Variants in MRPS5 observed in about 807,000 individuals in gnomAD.
MRPS5 encodes the protein mitochondrial ribosomal protein S5.
Under a neutral mutation model 51.9 loss-of-function variants are expected in MRPS5, and 27 were observed. The observed-to-expected ratio is 0.52, with a 90% CI of 0.38 to 0.72. The LOEUF is 0.72. Among genes scored for constraint, MRPS5 ranks in the 30% least tolerant of loss-of-function variants. MRPS5 has a pLI of 0.00. For synonymous variants in MRPS5, 196 were observed against 193.2 expected (o/e 1.01, Z -0.12); for missense variants, 570 against 545.7 (o/e 1.04, Z -0.44).
intron 7 of MRPS5, among the ~76,000 whole-genome samples, chr2:95,103,114 A>G (rs1444508804): frequency 6.6e-6 from 1 of 152,248 alleles, no homozygotes; most frequent in Non-Finnish European, 1.5e-5. Context: ...GTGATAACTA[A>G]TATTTATAAC....
At chr2:95,090,921 A>C (rs553635809) in intron 10 of MRPS5, 32 of 167,044 alleles carry the variant, frequency 1.9e-4, no homozygotes, top group African/African-American at 7.6e-4. Flanking sequence ...CCTCCTGAAG[A>C]AGCTCCTCTT....
At chr2:95,121,669 GC>G in intron 1 of MRPS5, 64 bp downstream of exon 1, 1 of 1,487,556 alleles carries the variant, frequency 6.7e-7, no homozygotes, top group African/African-American at 1.4e-5. Flanking sequence ...ACTTCTGCAG[GC>G]CCCAGGCGAG....
intron 4 of MRPS5, among the ~76,000 whole-genome samples, chr2:95,109,647 T>G (rs1157603158): frequency 1.3e-5 from 2 of 152,236 alleles, no homozygotes; most frequent in Non-Finnish European, 2.9e-5. Flanking sequence ...ATTTTATCAC[T>G]AATTATAACC....
intron 4 of MRPS5, among the ~76,000 whole-genome samples, chr2:95,108,870 A>AT (rs1558684078): frequency 1.3e-5 from 2 of 151,972 alleles, no homozygotes; most frequent in South Asian, 4.1e-4. Context: ...TATAATCTAA[A>AT]TTTTTTTTAA....
At position 95,121,792 on chromosome 2, in the gene MRPS5, G is replaced by T; in HGVS notation, c.-1C>A. 2 of 1,545,496 alleles carry T rather than the reference G, an allele frequency of 1.3e-6. No homozygotes were observed. The highest frequency in any genetic ancestry group is 1.7e-6 in the Non-Finnish European group (2 of 1,154,596). On this transcript the variant is annotated 5_prime_UTR_variant, in exon 1 of 12. Transcript: ENST00000272418. ...CCACAGCGCGCACCGCGGTCGCCAT[G>T]CTGGAGTCCGAGCCGCGCCTCGGCC...
chr2:95,088,246 G>T (rs1211373135), intron 11 of MRPS5, among the ~76,000 whole-genome samples: 1 of 151,822 alleles, frequency 6.6e-6, no homozygotes, highest in Non-Finnish European at 1.5e-5. Context: ...AGTATTACAG[G>T]GTATTTTTTA....
rs747961316 is a variant in MRPS5 at position 95,117,855 on chromosome 2, T to C, written c.139+10A>G. ...TTATGAGAAAAGGTAGTAGCATTAA[T>C]GAATCTCACCATTGCCGAGAACACT... On this transcript the variant is annotated intron_variant, in intron 2 of 11. Coordinates refer to ENST00000272418, the MANE Select transcript of MRPS5 (RefSeq NM_031902.5). 7 of 1,594,116 alleles carry C rather than the reference T, an allele frequency of 4.4e-6. No individual in the cohort carries two copies. The highest frequency in any genetic ancestry group is 1.2e-5 in the South Asian group (1 of 86,278).
At chr2:95,101,779 T>C in intron 7 of MRPS5, 56 bp from the exon 8 acceptor site, 2 of 1,264,226 alleles carry the variant, frequency 1.6e-6, no homozygotes, top group Non-Finnish European at 2.2e-6. Context: ...CCATGTGGTT[T>C]TTGCCACATT....
intron 9 of MRPS5, 134 bp downstream of exon 9, chr2:95,100,703 G>T (rs558908174): frequency 1.1e-6 from 1 of 892,944 alleles, no homozygotes; most frequent in East Asian, 2.6e-5. Flanking sequence ...TAGGAGATTT[G>T]TTTTCACACT....
At chr2:95,117,804 T>C in intron 2 of MRPS5, 61 bp downstream of exon 2, 1 of 1,379,288 alleles carries the variant, frequency 7.3e-7, no homozygotes, top group Non-Finnish European at 1.0e-6. Context: ...TTTTTAAAAC[T>C]ACAGAAACTA....
At chr2:95,121,059 A>G (rs1260799627) in intron 1 of MRPS5, among the ~76,000 whole-genome samples, 3 of 152,180 alleles carry the variant, frequency 2.0e-5, no homozygotes, top group Non-Finnish European at 4.4e-5. Flanking sequence ...CGGAGGTTGC[A>G]GTGAGCCGAG....
In MRPS5 at chr2:95,100,821, AT is replaced by A. The variant is rs763443478; in HGVS notation, c.868+15del. 7 of 1,558,504 alleles carry A rather than the reference AT, an allele frequency of 4.5e-6. No homozygotes were observed. Among genetic ancestry groups the A allele is most frequent in the South Asian group, 3.6e-5 (3 of 84,026 alleles). ...AATCCTGCAAATTAAAAAAAAAAAA[AT>A]AGATTATCACTCACTTGTATGGTCT... On this transcript the variant is annotated intron_variant, in intron 9 of 11. Transcript: ENST00000272418.
In MRPS5 at chr2:95,115,091, A is replaced by G; in HGVS notation, c.252T>C (p.Tyr84=). The stretch of plus-strand genomic sequence containing the variant: ...ATTTAGTGAAGAAACTATATGGTCT[A>G]TACTGCTGGCTCATCAGGTGACTGG... ...SSPSHLMSQQ[Y]RPYSFFTKLT... is the part of the protein sequence containing the mutation. The change falls in exon 3 of 12, where the codon TAT becomes TAC. Residue 84 remains tyrosine (Y), a synonymous_variant. Coordinates refer to ENST00000272418, the MANE Select transcript of MRPS5 (RefSeq NM_031902.5). The G allele has an allele frequency of 6.2e-7, 1 of 1,608,860 alleles. No homozygotes were observed. The highest frequency in any genetic ancestry group is 1.1e-5 in the South Asian group (1 of 89,800).
Position 95,100,843 on chromosome 2 carries a change from G to C in MRPS5, c.862C>G (p.His288Asp), listed in dbSNP as rs145436984. ...AAAATAGATTATCACTCACTTGTAT[G>C]GTCTTCATATCGTTCTATATAATGC... ...HLHYIERYED[H>D]TIFHDISLRF... is the part of the protein sequence containing the mutation. The change falls in exon 9 of 12, where the codon CAT becomes GAT. Residue 288 changes from histidine (H) to aspartate (D), a missense_variant. By Grantham distance (81) the His-to-Asp change is moderately conservative. Coordinates refer to ENST00000272418, the MANE Select transcript of MRPS5 (RefSeq NM_031902.5). 8 of 1,596,008 alleles carry C rather than the reference G, an allele frequency of 5.0e-6. No homozygotes were observed. Among genetic ancestry groups the C allele is most frequent in the Non-Finnish European group, 6.8e-6 (8 of 1,173,982 alleles).
At chr2:95,095,008 G>A (rs1460913578) in intron 10 of MRPS5, among the ~76,000 whole-genome samples, 3 of 152,074 alleles carry the variant, frequency 2.0e-5, no homozygotes, top group East Asian at 1.9e-4. Context: ...ACACATATAG[G>A]CTCAAAATAA....
intron 1 of MRPS5, among the ~76,000 whole-genome samples, 169 bp from the exon 2 acceptor site, chr2:95,118,114 C>T (rs1676343358): frequency 6.6e-6 from 1 of 152,146 alleles, no homozygotes; most frequent in South Asian, 2.1e-4. Flanking sequence ...ACCTCATCTT[C>T]TCCCTTCACC....
At chr2:95,120,658 T>C (rs1371917633) in intron 1 of MRPS5, among the ~76,000 whole-genome samples, 1 of 152,188 alleles carries the variant, frequency 6.6e-6, no homozygotes, top group Non-Finnish European at 1.5e-5. Context: ...GCAAAAACCT[T>C]ATTGTCCACC....
chr2:95,117,986 A>C (rs202188698), intron 1 of MRPS5, 41 bp from the exon 2 acceptor site: 1 of 1,461,338 alleles, frequency 6.8e-7, no homozygotes, highest in East Asian at 2.3e-5. Context: ...ACATTTCTAC[A>C]TTAAAGGAAC....
chr2:95,112,427 AT>A (rs1324055287), intron 3 of MRPS5, among the ~76,000 whole-genome samples: 1 of 152,170 alleles, frequency 6.6e-6, no homozygotes, highest in East Asian at 1.9e-4. Context: ...GTCTAATCTT[AT>A]ACATGGAGTT....
Sources: allele counts gnomAD v4.1 joint callset (sites outside exome capture counted in the v4.1 genomes callset), GRCh38; gene constraint gnomAD v4.1.1; transcripts MANE v1.5; gene names NCBI Gene and HGNC (gene_info 2026-07-23, HGNC 2026-07-21).